The following FAM171A1 variants were observed in gnomAD, a reference collection of about 807,000 sequenced individuals.
FAM171A1 encodes family with sequence similarity 171 member A1, also known as protein FAM171A1.
Under a neutral mutation model 74.9 loss-of-function variants are expected in FAM171A1, and 23 were observed. The ratio of observed to expected loss-of-function variants is 0.31; its 90% CI spans 0.22 to 0.44. The LOEUF (loss-of-function observed/expected upper bound fraction) is 0.44. Ranked by LOEUF, FAM171A1 falls within the 20% of genes least tolerant of loss-of-function variation. FAM171A1 has a pLI of 1.00. For missense variants in FAM171A1, 1,162 were observed against 1,159.2 expected (o/e 1.00, Z -0.03); for synonymous variants, 527 against 505.7 (o/e 1.04, Z -0.57).
chr10:15,278,379 G>A (rs973097540), intron 2 of FAM171A1, among the ~76,000 whole-genome samples: 1 of 152,174 alleles, frequency 6.6e-6, no homozygotes, highest in African/African-American at 2.4e-5. Flanking sequence ...ACCCCAGGAT[G>A]CAGCAATTCC....
At chr10:15,223,844 A>T (rs1394263197) in intron 5 of FAM171A1, among the ~76,000 whole-genome samples, 2 of 152,206 alleles carry the variant, frequency 1.3e-5, no homozygotes, top group Admixed American at 6.5e-5. Flanking sequence ...GGTTGCGGTG[A>T]GCTGAGATTG....
chr10:15,367,199 A>AAAACAAACAAACAAAC lies in FAM171A1; in HGVS notation c.97+3741_97+3756dup, dbSNP rs139900551. On this transcript the variant is annotated intron_variant, in intron 1 of 7. Coordinates refer to ENST00000378116, the MANE Select transcript of FAM171A1 (RefSeq NM_001010924.2). ...GGGCGACAGAGCGAGACTCCATCTC[A>AAAACAAACAAACAAAC]AAACAAACAAACAAACAAACAAACA... Among the ~76,000 whole-genome samples the AAAACAAACAAACAAAC allele has an allele frequency of 1.8e-3, 271 of 151,568 alleles. 1 individual carries two copies. The highest frequency in any genetic ancestry group is 5.6e-3 in the African/African-American group (230 of 41,232).
intron 3 of FAM171A1, among the ~76,000 whole-genome samples, chr10:15,265,657 A>ATT (rs368637807): frequency 7.4e-6 from 1 of 135,130 alleles, no homozygotes; most frequent in Non-Finnish European, 1.6e-5. Flanking sequence ...CTGGATTTTG[A>ATT]TTTTTTTTTT....
At chr10:15,237,088 G>C (rs1834300788) in intron 5 of FAM171A1, among the ~76,000 whole-genome samples, 1 of 152,220 alleles carries the variant, frequency 6.6e-6, no homozygotes. Flanking sequence ...AGAGGGCCTT[G>C]AGGCTCCTGG....
At chr10:15,359,191 T>A (rs1437041305) in intron 1 of FAM171A1, among the ~76,000 whole-genome samples, 2 of 152,170 alleles carry the variant, frequency 1.3e-5, no homozygotes, top group Non-Finnish European at 2.9e-5. Flanking sequence ...TACATCAATT[T>A]AACATTAAGT....
intron 1 of FAM171A1, among the ~76,000 whole-genome samples, chr10:15,359,587 A>G (rs1411076691): frequency 1.3e-5 from 2 of 152,170 alleles, no homozygotes; most frequent in African/African-American, 4.8e-5. Flanking sequence ...CCAAGCCCTC[A>G]TCCCCGGAAC....
chr10:15,219,195 T>C (rs1014793590), intron 6 of FAM171A1, among the ~76,000 whole-genome samples: 9 of 152,048 alleles, frequency 5.9e-5, no homozygotes, highest in African/African-American at 2.2e-4. Flanking sequence ...GGCAGGATAA[T>C]TGCTTGAACC....
At chr10:15,278,377 A>C (rs890974846) in intron 2 of FAM171A1, among the ~76,000 whole-genome samples, 12 of 152,216 alleles carry the variant, frequency 7.9e-5, no homozygotes, top group African/African-American at 2.9e-4. Flanking sequence ...TGACCCCAGG[A>C]TGCAGCAATT....
chr10:15,366,279 T>C (rs1013258452), intron 1 of FAM171A1, among the ~76,000 whole-genome samples: 1 of 152,028 alleles, frequency 6.6e-6, no homozygotes, highest in Non-Finnish European at 1.5e-5. Context: ...GCCACCATGC[T>C]TGGCTACGTT....
At chr10:15,288,227 C>A (rs1280396540) in intron 1 of FAM171A1, among the ~76,000 whole-genome samples, 1 of 152,180 alleles carries the variant, frequency 6.6e-6, no homozygotes, top group African/African-American at 2.4e-5. Context: ...TATAAACATG[C>A]ATATGCAAGC....
chr10:15,235,583 A>G (rs1357960603), intron 5 of FAM171A1, among the ~76,000 whole-genome samples: 2 of 152,046 alleles, frequency 1.3e-5, no homozygotes, highest in African/African-American at 4.8e-5. Flanking sequence ...CTGGTGTTGT[A>G]TCATTTGTAT....
In FAM171A1 at chr10:15,235,005, G is replaced by A. The variant is rs182638214; in HGVS notation, c.754+13634C>T. On this transcript the variant is annotated intron_variant, in intron 5 of 7. Coordinates refer to ENST00000378116, the MANE Select transcript of FAM171A1 (RefSeq NM_001010924.2). ...TTTTCCAACTGCCAGGCAGAAAAAG[G>A]AGGGGTTAAAAAGTAGCCCCTATGC... Among the ~76,000 whole-genome samples, 345 of 152,156 alleles carry A rather than the reference G, an allele frequency of 2.3e-3. 1 individual carries two copies. The highest frequency in any genetic ancestry group is 6.0e-3 in the African/African-American group (251 of 41,546).
chr10:15,291,459 C>T (rs1390407940), intron 1 of FAM171A1, among the ~76,000 whole-genome samples: 4 of 152,186 alleles, frequency 2.6e-5, no homozygotes, highest in Non-Finnish European at 5.9e-5. Context: ...CCGTGACTGG[C>T]TAGCGGTTCC....
At chr10:15,292,558 G>GT (rs1385249922) in intron 1 of FAM171A1, among the ~76,000 whole-genome samples, 1 of 152,124 alleles carries the variant, frequency 6.6e-6, no homozygotes, top group Non-Finnish European at 1.5e-5. Flanking sequence ...TTGGCTCACT[G>GT]TAACTTCCCC....
chr10:15,263,678 T>C (rs138746023), intron 3 of FAM171A1, among the ~76,000 whole-genome samples: 37 of 152,218 alleles, frequency 2.4e-4, no homozygotes, highest in Middle Eastern at 3.4e-3. Flanking sequence ...TGCTTGCCTA[T>C]CTATCTATGC....
chr10:15,331,852 T>A (rs1467165269), intron 1 of FAM171A1, among the ~76,000 whole-genome samples: 1 of 35,862 alleles, frequency 2.8e-5, no homozygotes, highest in Non-Finnish European at 5.6e-5. Flanking sequence ...TGTGTATATA[T>A]ATGTGTGTAT....
intron 1 of FAM171A1, among the ~76,000 whole-genome samples, chr10:15,299,025 A>G (rs1182099180): frequency 1.3e-5 from 2 of 152,140 alleles, no homozygotes; most frequent in East Asian, 3.9e-4. Context: ...GGTTCAAGTG[A>G]TGCTCCTGCC....
intron 6 of FAM171A1, among the ~76,000 whole-genome samples, chr10:15,220,563 T>C (rs534546449): frequency 1.2e-4 from 18 of 152,182 alleles, no homozygotes; most frequent in Non-Finnish European, 2.5e-4. Flanking sequence ...CAGTGGTGAC[T>C]TCCCACTAGC....
intron 1 of FAM171A1, among the ~76,000 whole-genome samples, chr10:15,338,619 A>G (rs1835730004): frequency 6.6e-6 from 1 of 152,238 alleles, no homozygotes; most frequent in African/African-American, 2.4e-5. Context: ...ATTCAATCCT[A>G]TTAAACTTGT....
Sources: gnomAD v4.1 joint callset for allele counts (sites outside exome capture counted in the v4.1 genomes callset) on GRCh38, gnomAD v4.1.1 for gene constraint, MANE v1.5 for transcripts, NCBI Gene and HGNC (gene_info 2026-07-23, HGNC 2026-07-21) for gene names.